The following TRIO variants were observed in gnomAD, a reference collection of about 807,000 sequenced individuals.
The protein encoded by TRIO is triple functional domain protein.
A neutral mutation model predicts 351.9 loss-of-function variants in TRIO; 58 were observed. The observed-to-expected ratio is 0.16, with a 90% CI of 0.13 to 0.21. TRIO has a LOEUF of 0.21. TRIO is among the 10% of genes least tolerant of loss of function. The probability of loss-of-function intolerance (pLI) is 1.00; values close to 1 mark genes in which losing one functional copy is unlikely to be tolerated. For synonymous variants in TRIO, 1,758 were observed against 1,595.7 expected (o/e 1.10, Z -2.42); for missense variants, 3,201 against 4,027.8 (o/e 0.79, Z 5.56).
chr5:14,240,687 G>A (rs1227037755), intron 1 of TRIO, among the ~76,000 whole-genome samples: 1 of 152,140 alleles, frequency 6.6e-6, no homozygotes, highest in Non-Finnish European at 1.5e-5. Context: ...CAGAGAGATG[G>A]CATCCTTTTG....
intron 33 of TRIO, among the ~76,000 whole-genome samples, chr5:14,411,463 T>C (rs1749194162): frequency 6.6e-6 from 1 of 152,250 alleles, no homozygotes; most frequent in South Asian, 2.1e-4. Flanking sequence ...GTGAGCTGTC[T>C]TTCGAATCTT....
Position 14,336,607 on chromosome 5 carries a change from C to G in TRIO, c.1926C>G (p.Pro642=). 6.2e-7 allele frequency: 1 copy of G among 1,614,142 alleles called. No individual in the cohort carries two copies. The highest frequency in any genetic ancestry group is 1.1e-5 in the South Asian group (1 of 91,074). The part of the protein sequence containing the change: ...EQLAQTGECD[P]EEIYQAAHQL... ...TGGCTCAGACTGGGGAATGTGACCC[C>G]GAAGAGATTTATCAGGCTGCCCATC... is the stretch of plus-strand genomic sequence containing the variant. Residue 642 remains proline (P), a synonymous_variant, in exon 11 of 57, where the codon CCC becomes CCG. Transcript: ENST00000344204.
intron 48 of TRIO, among the ~76,000 whole-genome samples, chr5:14,491,430 A>G (rs1253691417): frequency 6.6e-6 from 1 of 152,208 alleles, no homozygotes; most frequent in Non-Finnish European, 1.5e-5. Flanking sequence ...CTTTGAGCAC[A>G]AGTTCACGGG....
intron 6 of TRIO, among the ~76,000 whole-genome samples, chr5:14,296,723 A>C (rs951541950): frequency 1.3e-5 from 2 of 152,200 alleles, no homozygotes; most frequent in Admixed American, 6.5e-5. Flanking sequence ...GCCTGGCAGC[A>C]GGCTTGCCAT....
chr5:14,388,164 A>G (rs542003916), intron 23 of TRIO, among the ~76,000 whole-genome samples: 1 of 152,332 alleles, frequency 6.6e-6, no homozygotes, highest in African/African-American at 2.4e-5. Context: ...AGTTGTGTAA[A>G]AGTTGCCAGT....
chr5:14,349,634 G>A (rs1344828665), intron 11 of TRIO, among the ~76,000 whole-genome samples: 1 of 152,110 alleles, frequency 6.6e-6, no homozygotes, highest in African/African-American at 2.4e-5. Flanking sequence ...AGCCAATCCT[G>A]TTTTCTATCT....
intron 31 of TRIO, among the ~76,000 whole-genome samples, chr5:14,405,278 C>G (rs1344591555): frequency 6.6e-6 from 1 of 152,142 alleles, no homozygotes; most frequent in South Asian, 2.1e-4. Context: ...CTGTCCACAC[C>G]TCAGTTGCTC....
At chr5:14,445,991 G>C (rs1025212748) in intron 34 of TRIO, among the ~76,000 whole-genome samples, 5 of 152,230 alleles carry the variant, frequency 3.3e-5, no homozygotes, top group African/African-American at 1.2e-4. Context: ...CCGGTCTGTG[G>C]CCGTGCCTTT....
chr5:14,472,930 T>C (rs765710137), intron 39 of TRIO, among the ~76,000 whole-genome samples: 22 of 152,128 alleles, frequency 1.4e-4, no homozygotes, highest in South Asian at 2.1e-4. Flanking sequence ...TAATTTGATA[T>C]TATTATTAAA....
chr5:14,423,209 C>T (rs1042490118), intron 34 of TRIO, among the ~76,000 whole-genome samples: 1 of 152,236 alleles, frequency 6.6e-6, no homozygotes, highest in African/African-American at 2.4e-5. Flanking sequence ...TCTGCCGTTA[C>T]CTCAGAGGCT....
chr5:14,480,120 C>T, intron 43 of TRIO, 109 bp downstream of exon 43: 3 of 977,208 alleles, frequency 3.1e-6, no homozygotes, highest in South Asian at 3.2e-5. Context: ...ATCTGTGTAA[C>T]AGGTATATTA....
At chr5:14,501,256 A>G (rs1757282575) in intron 53 of TRIO, among the ~76,000 whole-genome samples, 3 of 152,228 alleles carry the variant, frequency 2.0e-5, no homozygotes, top group Admixed American at 2.0e-4. Context: ...GGTCAGAATT[A>G]ACCTTACCAT....
intron 2 of TRIO, among the ~76,000 whole-genome samples, chr5:14,279,937 A>G (rs1581515251): frequency 6.6e-6 from 1 of 152,206 alleles, no homozygotes; most frequent in Admixed American, 6.5e-5. Context: ...ATGCAGGGCA[A>G]TGGGGAAAAA....
chr5:14,441,955 A>G (rs1477770306), intron 34 of TRIO, among the ~76,000 whole-genome samples: 1 of 152,206 alleles, frequency 6.6e-6, no homozygotes, highest in Non-Finnish European at 1.5e-5. Flanking sequence ...GATTCCTGCA[A>G]AGGTTATTTG....
intron 9 of TRIO, among the ~76,000 whole-genome samples, chr5:14,321,366 A>G (rs1384171167): frequency 6.6e-6 from 1 of 152,228 alleles, no homozygotes; most frequent in Non-Finnish European, 1.5e-5. Context: ...GGCCCCCACG[A>G]TGAGGGTTTT....
rs1748699942 is a variant in TRIO at position 14,406,178 on chromosome 5, C to T, written c.4859+188C>T. ...TGTCAGAGATAAGAGCCTCTATTGG[C>T]TTAGAGTAAACGAAGGGCTGTGTGC... is the stretch of plus-strand genomic sequence containing the variant. On this transcript the variant is annotated intron_variant, in intron 32 of 56. Coordinates refer to ENST00000344204, the MANE Select transcript of TRIO (RefSeq NM_007118.4). 9.9e-6 allele frequency: 9 copies of T among 906,436 alleles called. No individual in the cohort carries two copies. In the South Asian group the frequency reaches 1.6e-4, roughly 16 times the overall value. The allele number at this position is 906,436 out of a possible 1,614,324, so 56.1% of individuals were successfully genotyped here.
In TRIO at chr5:14,397,035, C is replaced by G. The variant is rs1429805727; in HGVS notation, c.4312-8C>G. On this transcript the variant is annotated splice_region_variant and splice_polypyrimidine_tract_variant and intron_variant, in intron 28 of 56. Transcript: ENST00000344204. ...TCTTTACCTAGTTTCTGTTGTTTAT[C>G]TTTGCAGGAGCTGCTGACGTGCTGT... The G allele has an allele frequency of 6.3e-7, 1 of 1,594,140 alleles. No individual in the cohort carries two copies. The highest frequency in any genetic ancestry group is 1.8e-5 in the Admixed American group (1 of 55,498).
chr5:14,404,609 G>C (rs1304916094), intron 31 of TRIO, among the ~76,000 whole-genome samples: 5 of 152,020 alleles, frequency 3.3e-5, no homozygotes, highest in Admixed American at 6.6e-5. Context: ...GTAGTTTTTA[G>C]AAAAGTTTCT....
chr5:14,148,137 A>G (rs182422165), intron 1 of TRIO, among the ~76,000 whole-genome samples: 1 of 152,242 alleles, frequency 6.6e-6, no homozygotes, highest in African/African-American at 2.4e-5. Flanking sequence ...TTTAAGATTC[A>G]AATGAAAATT....
Sources: allele counts gnomAD v4.1 joint callset (sites outside exome capture counted in the v4.1 genomes callset), GRCh38; gene constraint gnomAD v4.1.1; transcripts MANE v1.5; gene names NCBI Gene and HGNC (gene_info 2026-07-23, HGNC 2026-07-21).